Variants in ABCG2 observed in about 807,000 individuals in gnomAD.
ABCG2 encodes broad substrate specificity ATP-binding cassette transporter ABCG2.
Under a neutral mutation model 73.5 loss-of-function variants are expected in ABCG2, and 80 were observed. The ratio of observed to expected loss-of-function variants is 1.09; its 90% confidence interval spans 0.91 to 1.31. The LOEUF (loss-of-function observed/expected upper bound fraction) is 1.31. Ranked by LOEUF, ABCG2 falls within the 50% of genes most tolerant of loss-of-function variation. ABCG2 has a pLI of 0.00. For missense variants in ABCG2, 796 were observed against 786.2 expected (o/e 1.01, Z -0.15); for synonymous variants, 269 against 282.4 (o/e 0.95, Z 0.48).
chr4:88,152,225 A>G (rs567779778), intron 1 of ABCG2, among the ~76,000 whole-genome samples: 1 of 152,324 alleles, frequency 6.6e-6, no homozygotes, highest in Admixed American at 6.5e-5. Flanking sequence ...AAAAATTACT[A>G]AATACTACCA....
At position 88,118,214 on chromosome 4, in the gene ABCG2, G is replaced by A. The variant is rs200190472; in HGVS notation, c.736C>T (p.Arg246Ter). The change falls in exon 7 of 16, where the codon CGA becomes TGA. Residue 246 changes from arginine to a stop codon, truncating the protein, a stop_gained. Coordinates refer to ENST00000237612, the MANE Select transcript of ABCG2 (RefSeq NM_004827.3). LOFTEE classifies it high-confidence loss of function. Reference protein sequence around the residue: ...RTIIFSIHQPRYSIFKLFDSL... With the variant: ...RTIIFSIHQP ...TCAAACAACTTGAAGATGGAATATC[G>A]AGGCTGATGAATGGAGAAGATGATT... 1.6e-4 allele frequency: 264 copies of A among 1,614,036 alleles called. No individual in the cohort carries two copies. Among genetic ancestry groups the A allele is most frequent in the Non-Finnish European group, 2.0e-4 (238 of 1,180,012 alleles).
chr4:88,162,187 A>G (rs1727349172), upstream of ABCG2, among the ~76,000 whole-genome samples: 1 of 152,198 alleles, frequency 6.6e-6, no homozygotes, highest in African/African-American at 2.4e-5. Context: ...CCCACTCTAA[A>G]GAAAAAGAGA....
At chr4:88,184,953 A>G (rs1391697713) in intron 1 of ABCG2, among the ~76,000 whole-genome samples, 1 of 152,234 alleles carries the variant, frequency 6.6e-6, no homozygotes, top group Non-Finnish European at 1.5e-5. Context: ...GGAAAAGAAT[A>G]TCTCTTCAAT....
chr4:88,105,335 C>G (rs1262158836), intron 10 of ABCG2, among the ~76,000 whole-genome samples: 2 of 152,210 alleles, frequency 1.3e-5, no homozygotes, highest in Non-Finnish European at 2.9e-5. Flanking sequence ...ATACTACCAT[C>G]TACCCCCTCT....
intron 1 of ABCG2, among the ~76,000 whole-genome samples, chr4:88,169,966 C>G (rs188642724): frequency 3.3e-5 from 5 of 152,054 alleles, no homozygotes; most frequent in African/African-American, 9.7e-5. Flanking sequence ...CAAAAATTAG[C>G]CAGGCATGGT....
intron 1 of ABCG2, among the ~76,000 whole-genome samples, chr4:88,208,030 G>C (rs1159223184): frequency 1.3e-5 from 2 of 152,092 alleles, no homozygotes; most frequent in Admixed American, 6.6e-5. Flanking sequence ...TCTATCAGTA[G>C]GTGTAGCAAA....
At position 88,197,024 on chromosome 4, in the gene ABCG2, G is replaced by C. The variant is rs1728961348; in HGVS notation, c.-20+33970C>G. Among the ~76,000 whole-genome samples the C allele has an allele frequency of 3.9e-5, 6 of 152,024 alleles. No individual in the cohort carries two copies. The South Asian group carries it at 1.2e-3, about 32-fold the overall frequency. On this transcript the variant is annotated intron_variant, in intron 1 of 15. Transcript: ENST00000515655. ...TTTAAGGTGAAAGTTTGAGGAGACT[G>C]AGAGGCACTGTGAAATTCACAGCCT...
chr4:88,169,647 A>G (rs1475146191), intron 1 of ABCG2, among the ~76,000 whole-genome samples: 2 of 152,170 alleles, frequency 1.3e-5, no homozygotes, highest in African/African-American at 4.8e-5. Context: ...TTATGCTCCA[A>G]ACGGCACAAA....
intron 1 of ABCG2, among the ~76,000 whole-genome samples, chr4:88,198,484 A>G (rs1729027689): frequency 6.6e-6 from 1 of 152,060 alleles, no homozygotes; most frequent in South Asian, 2.1e-4. Flanking sequence ...ACTACAAAAA[A>G]TACCCAGACA....
At position 88,188,129 on chromosome 4, in the gene ABCG2, G is replaced by C. The variant is rs368337711; in HGVS notation, c.-20+42865C>G. The stretch of plus-strand genomic sequence containing the variant: ...TTCATAAGTTTAAGTCTTAGATTTA[G>C]GTTTTTGATCATTTTTGTATATAGT... On this transcript the variant is annotated intron_variant, in intron 1 of 15. Transcript: ENST00000515655. Among the ~76,000 whole-genome samples the C allele has an allele frequency of 1.8e-4, 28 of 152,222 alleles. 1 individual carries two copies. The South Asian group carries it at 5.6e-3, about 30-fold the overall frequency.
intron 7 of ABCG2, among the ~76,000 whole-genome samples, chr4:88,117,550 T>A (rs1723667369): frequency 6.6e-6 from 1 of 152,032 alleles, no homozygotes; most frequent in Non-Finnish European, 1.5e-5. Context: ...GGCAGGAGAA[T>A]GGTGTGAACC....
At chr4:88,130,118 G>A (rs2110038040) in intron 5 of ABCG2, among the ~76,000 whole-genome samples, 1 of 152,246 alleles carries the variant, frequency 6.6e-6, no homozygotes, top group African/African-American at 2.4e-5. Flanking sequence ...CCAAATTATA[G>A]GAAACTGAAA....
intron 1 of ABCG2, among the ~76,000 whole-genome samples, chr4:88,146,068 A>G (rs1411452188): frequency 1.3e-5 from 2 of 152,160 alleles, no homozygotes; most frequent in Admixed American, 6.5e-5. Flanking sequence ...AGAGGCAATG[A>G]CAGTGGGGAC....
intron 1 of ABCG2, among the ~76,000 whole-genome samples, chr4:88,227,205 T>C (rs1730255938): frequency 6.6e-6 from 1 of 152,204 alleles, no homozygotes; most frequent in South Asian, 2.1e-4. Flanking sequence ...CCAGCCTGCC[T>C]GACCAACATG....
At chr4:88,167,563 G>A (rs1261530475) in intron 1 of ABCG2, among the ~76,000 whole-genome samples, 2 of 151,706 alleles carry the variant, frequency 1.3e-5, no homozygotes, top group African/African-American at 2.4e-5. Context: ...TAGTAGAGAC[G>A]GGGGTTTCAC....
At chr4:88,162,321 T>A (rs566108508), upstream of ABCG2, among the ~76,000 whole-genome samples, 237 of 152,134 alleles carry the variant, frequency 1.6e-3, no homozygotes, top group African/African-American at 5.5e-3. Context: ...ATAAATTTTA[T>A]AATGAAAAAT....
chr4:88,200,328 A>G (rs1729108408), intron 1 of ABCG2, among the ~76,000 whole-genome samples: 1 of 152,110 alleles, frequency 6.6e-6, no homozygotes, highest in African/African-American at 2.4e-5. Context: ...ACTCTGTCTC[A>G]AAAAACAAAC....
chr4:88,107,262 A>G lies in ABCG2; in HGVS notation c.1199T>C (p.Ile400Thr), dbSNP rs1315352895. ...AACCAGTCCCAGTACGACTGTGACA[A>G]TGATCTTTTCAAAAAGAAAAATGCA... The part of the protein sequence containing the change: ...GNPQASIAQI[I>T]VTVVLGLVIG... Residue 400 changes from isoleucine to threonine, a missense_variant, in exon 10 of 16, where the codon ATT (isoleucine) becomes ACT (threonine). Transcript: ENST00000237612. 1 of 1,594,264 alleles carries G rather than the reference A, an allele frequency of 6.3e-7. No homozygotes were observed. The highest frequency in any genetic ancestry group is 1.2e-5 in the South Asian group (1 of 86,102).
intron 1 of ABCG2, among the ~76,000 whole-genome samples, chr4:88,178,574 G>A (rs139836585): frequency 6.6e-6 from 1 of 152,158 alleles, no homozygotes; most frequent in African/African-American, 2.4e-5. Flanking sequence ...TTGCAGCGTA[G>A]GTACCAGCTC....
Sources: gnomAD v4.1 joint callset for allele counts (sites outside exome capture counted in the v4.1 genomes callset) on GRCh38, gnomAD v4.1.1 for gene constraint, MANE v1.5 for transcripts, NCBI Gene and HGNC (gene_info 2026-07-23, HGNC 2026-07-21) for gene names.